Variants in MCFD2 observed in about 807,000 individuals in gnomAD.
The protein encoded by MCFD2 is multiple coagulation factor deficiency protein 2.
A neutral mutation model predicts 12.8 loss-of-function variants in MCFD2; 11 were observed. That is an observed-to-expected ratio of 0.86 (90% CI 0.54 to 1.42). The LOEUF is 1.42. MCFD2 is among the 40% of genes most tolerant of loss of function. MCFD2 has a pLI of 0.00. For synonymous variants in MCFD2, 70 were observed against 68.1 expected (o/e 1.03, Z -0.14); for missense variants, 191 against 178.6 (o/e 1.07, Z -0.40).
At chr2:46,923,062 AGCACAGGT>A (rs1369173224) in intron 1 of MCFD2, among the ~76,000 whole-genome samples, 16 of 152,230 alleles carry the variant, frequency 1.1e-4, no homozygotes, top group African/African-American at 3.6e-4. Flanking sequence ...AAGGGTCCTG[AGCACAGGT>A]GCTTCTGTCC....
intron 1 of MCFD2, among the ~76,000 whole-genome samples, chr2:46,933,045 T>C (rs11676972): frequency 0.32 from 48,270 of 150,880 alleles, 8,967 homozygotes; most frequent in East Asian, 0.67. Context: ...GAAAAGGCTC[T>C]GAGCCCTTGT....
chr2:46,909,717 G>A (rs1324904648), intron 1 of MCFD2, among the ~76,000 whole-genome samples: 3 of 152,142 alleles, frequency 2.0e-5, no homozygotes, highest in Admixed American at 6.5e-5. Flanking sequence ...AAGCGGGAAA[G>A]AAACTACAAG....
rs189739846 is a variant in MCFD2 at position 46,903,592 on chromosome 2, G to T, written c.*1871C>A. 2 of 152,268 alleles carry T rather than the reference G, an allele frequency of 1.3e-5. No individual in the cohort carries two copies. Among genetic ancestry groups the T allele is most frequent in the Non-Finnish European group, 2.9e-5 (2 of 68,074 alleles). The allele number at this position is 152,268 out of a possible 1,614,324, so 9.4% of individuals were successfully genotyped here. A position where few individuals can be genotyped will look rare whatever the true frequency, so the allele number is the denominator to read the frequency against. ...GGCCTCAGATGAAGATGAGGAACTT[G>T]TTGGGAACTGGAGTAAAGGTGACTC... On this transcript the variant is annotated 3_prime_UTR_variant, in exon 4 of 4. Coordinates refer to ENST00000319466, the MANE Select transcript of MCFD2 (RefSeq NM_139279.6).
At position 46,903,640 on chromosome 2, in the gene MCFD2, C is replaced by A. The variant is rs1572603006; in HGVS notation, c.*1823G>T. ...CTCTTGTTATGTTTTAGCAAAGAGACTGGCAGCATTTTGCCCCTTCCATAG... is the reference window on the plus strand; with the variant it reads ...CTCTTGTTATGTTTTAGCAAAGAGAATGGCAGCATTTTGCCCCTTCCATAG... On this transcript the variant is annotated 3_prime_UTR_variant, in exon 4 of 4. Coordinates refer to ENST00000319466, the MANE Select transcript of MCFD2 (RefSeq NM_139279.6). 1 of 152,302 alleles carries A rather than the reference C, an allele frequency of 6.6e-6. No individual in the cohort carries two copies. Among genetic ancestry groups the A allele is most frequent in the South Asian group, 2.1e-4 (1 of 4,818 alleles). 9.4% of individuals were successfully genotyped at this position (152,302 alleles called of 1,614,324 possible). A position where few individuals can be genotyped will look rare whatever the true frequency, so the allele number is the denominator to read the frequency against.
In MCFD2 at chr2:46,941,681, A is replaced by C; in HGVS notation, c.-117T>G. The C allele has an allele frequency of 3.2e-6, 5 of 1,551,674 alleles. No individual in the cohort carries two copies. Among genetic ancestry groups the C allele is most frequent in the Non-Finnish European group, 4.4e-6 (5 of 1,147,894 alleles). On this transcript the variant is annotated 5_prime_UTR_variant, in exon 1 of 3. Transcript: ENST00000409147. The surrounding 1 kb of genome is among the most constrained non-coding windows in gnomAD (Gnocchi z 4.2). ...CTGAGCATGCCCGGCGGCGGAGGTAACAGGCGAGGCAGCCCGAGCGCAGCG... is the reference window on the plus strand; with the variant it reads ...CTGAGCATGCCCGGCGGCGGAGGTACCAGGCGAGGCAGCCCGAGCGCAGCG...
At chr2:46,913,545 C>G (rs1668570653) in intron 1 of MCFD2, among the ~76,000 whole-genome samples, 1 of 152,258 alleles carries the variant, frequency 6.6e-6, no homozygotes, top group African/African-American at 2.4e-5. Context: ...GTTGCATCAT[C>G]CATGCTCTAA....
At chr2:46,914,578 G>T (rs1668623141) in intron 1 of MCFD2, among the ~76,000 whole-genome samples, 1 of 152,160 alleles carries the variant, frequency 6.6e-6, no homozygotes, top group African/African-American at 2.4e-5. Context: ...GAGCACCCAT[G>T]CTGCATTTAT....
rs573050516 is a variant in MCFD2, at chr2:46,940,997, G to C, written c.-8+575C>G. Among the ~76,000 whole-genome samples the C allele has an allele frequency of 1.3e-5, 2 of 152,150 alleles. No individual in the cohort carries two copies. The highest frequency in any genetic ancestry group is 4.1e-4 in the South Asian group (2 of 4,832). On this transcript the variant is annotated intron_variant, in intron 1 of 2. Transcript: ENST00000409147. This position sits in a 1 kb window ranked among gnomAD's most constrained non-coding sequence, Gnocchi z 4.7. ...GGCGGGAAGCGAGGCGCCCCCGGGC[G>C]CCGGGGCTCCGCGCGGGATTAAAGT...
At chr2:46,930,599 A>C (rs1669643936) in intron 1 of MCFD2, among the ~76,000 whole-genome samples, 1 of 151,628 alleles carries the variant, frequency 6.6e-6, no homozygotes, top group African/African-American at 2.4e-5. Flanking sequence ...TCCCAGGTTC[A>C]AGCGATTCTC....
At chr2:46,919,939 C>T (rs570642572), upstream of MCFD2, among the ~76,000 whole-genome samples, 3 of 152,338 alleles carry the variant, frequency 2.0e-5, no homozygotes, top group African/African-American at 4.8e-5. Flanking sequence ...TTGTATTTCT[C>T]TCTCCCTTAT....
intron 1 of MCFD2, among the ~76,000 whole-genome samples, chr2:46,911,188 C>T (rs959796499): frequency 6.6e-6 from 1 of 151,936 alleles, no homozygotes; most frequent in Non-Finnish European, 1.5e-5. Context: ...AGTGCAGTGG[C>T]GCAATCTTGG....
intron 1 of MCFD2, among the ~76,000 whole-genome samples, chr2:46,929,001 A>G (rs1669552160): frequency 6.6e-6 from 1 of 151,682 alleles, no homozygotes; most frequent in African/African-American, 2.4e-5. Context: ...TGTCTCTACT[A>G]AAAATACAAA....
upstream of MCFD2, among the ~76,000 whole-genome samples, chr2:46,918,259 G>T (rs766504849): frequency 2.6e-5 from 4 of 152,072 alleles, no homozygotes; most frequent in African/African-American, 9.7e-5. Flanking sequence ...AAAATTCTAC[G>T]AGCTGTTTTT....
Position 46,908,978 on chromosome 2 carries a change from G to C in MCFD2, c.149+45C>G. 6.2e-7 allele frequency: 1 copy of C among 1,613,690 alleles called. No individual in the cohort carries two copies. The highest frequency in any genetic ancestry group is 8.5e-7 in the Non-Finnish European group (1 of 1,179,596). On this transcript the variant is annotated intron_variant, in intron 2 of 3. Transcript: ENST00000319466. This position sits in a 1 kb window ranked among gnomAD's most constrained non-coding sequence, Gnocchi z 4.5. ...TGCCCTTGCCGCTGGCTCAGCTGCA[G>C]ATGATGGGGAGGCCACTGGACCACA... is the stretch of plus-strand genomic sequence containing the variant.
In MCFD2 at chr2:46,915,806, G is replaced by C. The variant is rs1347071851; in HGVS notation, c.-90C>G. 13 of 512,686 alleles carry C rather than the reference G, an allele frequency of 2.5e-5. No homozygotes were observed. The Admixed American group carries it at 3.1e-3, about 124-fold the overall frequency. The allele number at this position is 512,686 out of a possible 1,614,324, so 31.8% of individuals were successfully genotyped here. On this transcript the variant is annotated 5_prime_UTR_variant, in exon 1 of 4. Transcript: ENST00000319466. ...CCCCAAAACGCTCTTCCTCGGCTTC[G>C]CCCCGCCCCCCCCCCCCCCCCGACC... is the stretch of plus-strand genomic sequence containing the variant.
chr2:46,917,890 A>C (rs6729621), upstream of MCFD2, among the ~76,000 whole-genome samples: 4 of 152,066 alleles, frequency 2.6e-5, no homozygotes, highest in East Asian at 5.8e-4. Context: ...TACCTCACTC[A>C]TTATCCTTTC....
In MCFD2 at chr2:46,903,930, G is replaced by C. The variant is rs977816663; in HGVS notation, c.*1533C>G. ...CCTAATGTTAATCCCCAACACCATG[G>C]GGAAAATGTCTCCAGGCCATGTCAG... On this transcript the variant is annotated 3_prime_UTR_variant, in exon 4 of 4. Coordinates refer to ENST00000319466, the MANE Select transcript of MCFD2 (RefSeq NM_139279.6). 6.6e-6 allele frequency: 1 copy of C among 152,136 alleles called. No homozygotes were observed. The highest frequency in any genetic ancestry group is 6.6e-5 in the Admixed American group (1 of 15,266). The allele number at this position is 152,136 out of a possible 1,614,324, so 9.4% of individuals were successfully genotyped here. A position where few individuals can be genotyped will look rare whatever the true frequency, so the allele number is the denominator to read the frequency against.
At chr2:46,935,702 C>A (rs1669944304) in intron 1 of MCFD2, among the ~76,000 whole-genome samples, 1 of 152,182 alleles carries the variant, frequency 6.6e-6, no homozygotes, top group Non-Finnish European at 1.5e-5. Flanking sequence ...ACAGGGTGAT[C>A]CTCTGAGGCT....
At chr2:46,938,452 G>A (rs1256763585) in intron 1 of MCFD2, among the ~76,000 whole-genome samples, 2 of 152,002 alleles carry the variant, frequency 1.3e-5, no homozygotes, top group Non-Finnish European at 1.5e-5. Flanking sequence ...CAACCGAGGG[G>A]GTATTCTCTT....
Sources: gnomAD v4.1 joint callset for allele counts (sites outside exome capture counted in the v4.1 genomes callset) on GRCh38, gnomAD v4.1.1 for gene constraint, Gnocchi (gnomAD v3.1) non-coding constraint, MANE v1.5 for transcripts, NCBI Gene and HGNC (gene_info 2026-07-23, HGNC 2026-07-21) for gene names.